HCN1: variants seen among roughly 807,000 people sequenced by gnomAD.
HCN1 encodes the protein hyperpolarization activated cyclic nucleotide gated potassium channel 1.
HCN1 carries 13 observed loss-of-function variants against 78.9 expected under a neutral mutation model. The ratio of observed to expected loss-of-function variants is 0.16; its 90% CI spans 0.11 to 0.26. The LOEUF (loss-of-function observed/expected upper bound fraction) is 0.26. Among genes scored for constraint, HCN1 ranks in the 10% least tolerant of loss-of-function variants. HCN1 has a pLI of 1.00. For synonymous variants in HCN1, 552 were observed against 455.5 expected, an observed-to-expected ratio of 1.21 and a Z score of -2.70; for missense variants, 810 against 1,154.3, an observed-to-expected ratio of 0.70 and a Z score of 4.32.
intron 2 of HCN1, among the ~76,000 whole-genome samples, chr5:45,606,031 C>T (rs1042234595): frequency 2.0e-5 from 3 of 149,286 alleles, no homozygotes; most frequent in African/African-American, 7.3e-5. Context: ...CAAACTTTCA[C>T]CTCAAACTTT....
At chr5:45,296,366 G>T (rs2111893015) in intron 6 of HCN1, among the ~76,000 whole-genome samples, 1 of 151,602 alleles carries the variant, frequency 6.6e-6, no homozygotes, top group Non-Finnish European at 1.5e-5. Context: ...TTATCACACT[G>T]AAAAACCATA....
chr5:45,675,154 C>T (rs1219176101), intron 1 of HCN1, among the ~76,000 whole-genome samples: 2 of 151,690 alleles, frequency 1.3e-5, no homozygotes, highest in African/African-American at 2.4e-5. Flanking sequence ...AGCATACTGT[C>T]ACATACCTAC....
At chr5:45,398,719 T>C (rs1739734604) in intron 3 of HCN1, among the ~76,000 whole-genome samples, 1 of 152,218 alleles carries the variant, frequency 6.6e-6, no homozygotes, top group Admixed American at 6.5e-5. Flanking sequence ...GCTATATTTT[T>C]AGTTACAAAG....
intron 4 of HCN1, among the ~76,000 whole-genome samples, chr5:45,375,072 TATTATATATA>T (rs567571709): frequency 0.021 from 2,590 of 125,818 alleles, 114 homozygotes; most frequent in African/African-American, 0.075. Flanking sequence ...ATATATAATA[TATTATATATA>T]ATTATATATA....
chr5:45,315,517 G>A (rs1370663419), intron 5 of HCN1, among the ~76,000 whole-genome samples: 1 of 152,070 alleles, frequency 6.6e-6, no homozygotes, highest in Non-Finnish European at 1.5e-5. Context: ...AGAAAAGCAA[G>A]AGCAAACACA....
intron 5 of HCN1, among the ~76,000 whole-genome samples, chr5:45,310,863 G>A (rs1745838384): frequency 6.6e-6 from 1 of 152,130 alleles, no homozygotes; most frequent in African/African-American, 2.4e-5. Flanking sequence ...GTCTTTTGCA[G>A]GGACATGGAT....
intron 3 of HCN1, among the ~76,000 whole-genome samples, chr5:45,445,872 C>A (rs1740784012): frequency 1.3e-5 from 2 of 152,070 alleles, no homozygotes; most frequent in African/African-American, 4.8e-5. Context: ...GACATGCACA[C>A]CAAAAACCCA....
intron 4 of HCN1, among the ~76,000 whole-genome samples, chr5:45,388,612 G>C (rs1382085681): frequency 6.6e-6 from 1 of 152,108 alleles, no homozygotes; most frequent in African/African-American, 2.4e-5. Context: ...GTTTTAACAA[G>C]CTTTTCAGGT....
chr5:45,584,929 G>T (rs894027163), intron 2 of HCN1, among the ~76,000 whole-genome samples: 3 of 152,258 alleles, frequency 2.0e-5, no homozygotes, highest in Admixed American at 1.3e-4. Context: ...CCCTTTGTGG[G>T]TAACCCGACA....
chr5:45,686,744 T>G (rs1053836789), intron 1 of HCN1, among the ~76,000 whole-genome samples: 1 of 152,208 alleles, frequency 6.6e-6, no homozygotes, highest in Non-Finnish European at 1.5e-5. Flanking sequence ...GTAACATTAT[T>G]TATCAAATGC....
intron 6 of HCN1, among the ~76,000 whole-genome samples, chr5:45,272,669 A>C (rs1744981910): frequency 6.6e-6 from 1 of 152,062 alleles, no homozygotes; most frequent in Admixed American, 6.6e-5. Context: ...CAAATGTTTT[A>C]CGTACTTTCT....
chr5:45,463,149 A>C (rs926867993), intron 2 of HCN1, among the ~76,000 whole-genome samples: 5 of 151,990 alleles, frequency 3.3e-5, no homozygotes, highest in African/African-American at 1.2e-4. Context: ...TTATCCAAAA[A>C]ATGTAAAGAA....
At chr5:45,510,428 T>C (rs1319448031) in intron 2 of HCN1, among the ~76,000 whole-genome samples, 2 of 152,090 alleles carry the variant, frequency 1.3e-5, no homozygotes, top group East Asian at 3.9e-4. Flanking sequence ...TTGTTCATTT[T>C]CAAATTCCCT....
At chr5:45,372,844 T>G (rs941195790) in intron 4 of HCN1, among the ~76,000 whole-genome samples, 1 of 141,432 alleles carries the variant, frequency 7.1e-6, no homozygotes, top group Non-Finnish European at 1.5e-5. Flanking sequence ...CAGAAAAATA[T>G]GTTCGTATTC....
chr5:45,386,239 G>A (rs543090888), intron 4 of HCN1, among the ~76,000 whole-genome samples: 47 of 149,572 alleles, frequency 3.1e-4, no homozygotes, highest in Admixed American at 6.0e-4. Flanking sequence ...TCAGTGGTGT[G>A]ATCAGAGCTC....
Position 45,262,178 on chromosome 5 carries a change from G to A in HCN1, c.2416C>T (p.Pro806Ser). 6.2e-7 allele frequency: 1 copy of A among 1,614,014 alleles called. No homozygotes were observed. Among genetic ancestry groups the A allele is most frequent in the Non-Finnish European group, 8.5e-7 (1 of 1,180,026 alleles). The change falls in exon 8 of 8, where the codon CCC (proline) becomes TCC (serine). Residue 806 changes from proline (P) to serine (S), a missense_variant. Transcript: ENST00000303230. ...GAGGCCAGGGACTCGCCCACAGTGG[G>A]ATGAGGTCTGGAAATCAGAGTGGAC... The part of the protein sequence containing the change: ...EVSTLISRPH[P>S]TVGESLASIP...
chr5:45,332,788 G>A (rs1311674079), intron 5 of HCN1, among the ~76,000 whole-genome samples: 1 of 151,566 alleles, frequency 6.6e-6, no homozygotes, highest in Non-Finnish European at 1.5e-5. Flanking sequence ...GTGACCTCCT[G>A]TTCCATCCAC....
At chr5:45,585,423 A>G (rs559651008) in intron 2 of HCN1, among the ~76,000 whole-genome samples, 4 of 152,066 alleles carry the variant, frequency 2.6e-5, no homozygotes, top group African/African-American at 7.2e-5. Context: ...CTAGTTAGCC[A>G]TTCGTCTAAT....
At chr5:45,263,839 C>T (rs755987417) in intron 7 of HCN1, among the ~76,000 whole-genome samples, 2 of 152,238 alleles carry the variant, frequency 1.3e-5, no homozygotes, top group Non-Finnish European at 2.9e-5. Context: ...GATGCCCAGG[C>T]TGGAGTTGCA....
Sources: allele counts gnomAD v4.1 joint callset (sites outside exome capture counted in the v4.1 genomes callset), GRCh38; gene constraint gnomAD v4.1.1; transcripts MANE v1.5; gene names NCBI Gene and HGNC (gene_info 2026-07-23, HGNC 2026-07-21).